CCDC85A: variants seen among roughly 807,000 people sequenced by gnomAD.
CCDC85A encodes coiled-coil domain-containing protein 85A.
Under a neutral mutation model 50.2 loss-of-function variants are expected in CCDC85A, and 38 were observed. That is an observed-to-expected ratio of 0.76 (90% CI 0.58 to 0.99). The LOEUF (loss-of-function observed/expected upper bound fraction) is 0.99, where lower values mean the gene tolerates loss of function less well. CCDC85A is among the 50% of genes least tolerant of loss of function. The pLI is 0.00. For synonymous variants in CCDC85A, 366 were observed against 301.4 expected, an observed-to-expected ratio of 1.21 and a Z score of -2.22; for missense variants, 820 against 742.0, an observed-to-expected ratio of 1.11 and a Z score of -1.22.
rs1379776505 is a variant in CCDC85A at position 56,189,638 on chromosome 2, G to A, written c.277-2839G>A. ...AAATTTCAACTTTTATTTTAGATTCGGAGAGTACACTGTGTGATGCTGAGG... is the reference window on the plus strand; with the variant it reads ...AAATTTCAACTTTTATTTTAGATTCAGAGAGTACACTGTGTGATGCTGAGG... On this transcript the variant is annotated intron_variant, in intron 1 of 5. Transcript: ENST00000407595. Among the ~76,000 whole-genome samples the A allele has an allele frequency of 2.0e-5, 3 of 152,070 alleles. No individual in the cohort carries two copies. In the East Asian group the frequency reaches 5.8e-4, roughly 29 times the overall value.
intron 2 of CCDC85A, among the ~76,000 whole-genome samples, chr2:56,197,755 C>G (rs1203562933): frequency 6.6e-6 from 1 of 152,152 alleles, no homozygotes; most frequent in Admixed American, 6.5e-5. Context: ...AAACTTCACT[C>G]CATTCTAGAC....
intron 2 of CCDC85A, among the ~76,000 whole-genome samples, chr2:56,268,643 G>A (rs1160747644): frequency 6.7e-6 from 1 of 148,646 alleles, no homozygotes; most frequent in Non-Finnish European, 1.5e-5. Context: ...AAATGACAAA[G>A]TTACAAGTAA....
chr2:56,188,788 T>C (rs1317053709), intron 1 of CCDC85A, among the ~76,000 whole-genome samples: 1 of 152,246 alleles, frequency 6.6e-6, no homozygotes, highest in Non-Finnish European at 1.5e-5. Context: ...AGCTGTAGCC[T>C]GTTTTGGCCA....
At chr2:56,297,020 C>T (rs538084038) in intron 2 of CCDC85A, among the ~76,000 whole-genome samples, 32 of 152,016 alleles carry the variant, frequency 2.1e-4, no homozygotes, top group African/African-American at 6.0e-4. Context: ...TATTGTATAT[C>T]GGGGTTAGTC....
rs559213847 is a variant in CCDC85A, at chr2:56,342,884, A to G, written c.1246A>G (p.Thr416Ala). ...TTCTTTCTTTTTAATTTTAGAATCA[A>G]CCTTGTCCTATGTTAGGCAGCTGGA... The part of the protein sequence containing the change: ...RNVYSGMNES[T>A]LSYVRQLEAR... Residue 416 changes from threonine to alanine, a missense_variant, in exon 3 of 6, where the codon ACC becomes GCC. Coordinates refer to ENST00000407595, the MANE Select transcript of CCDC85A (RefSeq NM_001080433.2). The G allele has an allele frequency of 8.8e-6, 14 of 1,585,374 alleles. No individual in the cohort carries two copies. The highest frequency in any genetic ancestry group is 4.6e-5 in the East Asian group (2 of 43,778).
At chr2:56,275,427 T>C (rs1333775339) in intron 2 of CCDC85A, among the ~76,000 whole-genome samples, 2 of 152,050 alleles carry the variant, frequency 1.3e-5, no homozygotes, top group Non-Finnish European at 2.9e-5. Flanking sequence ...ATCACTGCTA[T>C]AGGTGCCATT....
At chr2:56,384,158 CTTGTCT>C in intron 5 of CCDC85A, 102 bp from the exon 6 acceptor site, 1 of 923,226 alleles carries the variant, frequency 1.1e-6, no homozygotes, top group Non-Finnish European at 1.7e-6. Context: ...TATTTTGTCT[CTTGTCT>C]TTACTTCATC....
chr2:56,349,333 A>G (rs561831287), intron 3 of CCDC85A, among the ~76,000 whole-genome samples: 1 of 152,188 alleles, frequency 6.6e-6, no homozygotes, highest in Non-Finnish European at 1.5e-5. Flanking sequence ...AGTTCAATAG[A>G]GCTTTCAGGG....
intron 2 of CCDC85A, among the ~76,000 whole-genome samples, chr2:56,223,288 T>G (rs1405965871): frequency 1.3e-5 from 2 of 152,186 alleles, no homozygotes; most frequent in Non-Finnish European, 2.9e-5. Flanking sequence ...ATAGTTAATA[T>G]TTTAGACTTT....
chr2:56,206,495 A>G (rs994770814), intron 2 of CCDC85A, among the ~76,000 whole-genome samples: 5 of 152,142 alleles, frequency 3.3e-5, no homozygotes, highest in African/African-American at 4.8e-5. Context: ...TTTGTGCTGC[A>G]TCATCCCATG....
intron 2 of CCDC85A, among the ~76,000 whole-genome samples, chr2:56,229,355 G>T (rs1302735216): frequency 2.0e-5 from 3 of 152,142 alleles, no homozygotes; most frequent in African/African-American, 7.2e-5. Context: ...TTTTGGACAT[G>T]TGTGATGTTT....
intron 2 of CCDC85A, among the ~76,000 whole-genome samples, chr2:56,216,555 G>A (rs1365684154): frequency 6.6e-6 from 1 of 151,558 alleles, no homozygotes; most frequent in African/African-American, 2.4e-5. Context: ...GATTATCTAT[G>A]TTTGTTGTCT....
intron 2 of CCDC85A, among the ~76,000 whole-genome samples, chr2:56,316,071 G>A (rs1037607129): frequency 3.9e-5 from 6 of 152,070 alleles, no homozygotes; most frequent in Non-Finnish European, 8.8e-5. Flanking sequence ...CGGAATGTTG[G>A]CAAGGAACAT....
intron 2 of CCDC85A, among the ~76,000 whole-genome samples, chr2:56,228,804 A>G (rs1668655483): frequency 6.6e-6 from 1 of 152,194 alleles, no homozygotes; most frequent in Non-Finnish European, 1.5e-5. Context: ...AAGTGCTGGG[A>G]TTACAGGCAT....
intron 2 of CCDC85A, among the ~76,000 whole-genome samples, chr2:56,264,531 AC>A (rs1337547417): frequency 6.6e-6 from 1 of 152,116 alleles, no homozygotes; most frequent in African/African-American, 2.4e-5. Flanking sequence ...TTCTACCTAT[AC>A]TGCCAACACC....
intron 2 of CCDC85A, among the ~76,000 whole-genome samples, chr2:56,222,835 C>A (rs571675410): frequency 1.3e-5 from 2 of 150,876 alleles, no homozygotes; most frequent in South Asian, 2.1e-4. Context: ...GTAATTATTC[C>A]AAAGATGCTA....
chr2:56,329,826 C>A (rs1282100326), intron 2 of CCDC85A, among the ~76,000 whole-genome samples: 2 of 151,708 alleles, frequency 1.3e-5, no homozygotes, highest in East Asian at 3.9e-4. Context: ...AAAAAGCCAA[C>A]CATACATGGG....
chr2:56,320,969 T>A (rs1261693020), intron 2 of CCDC85A, among the ~76,000 whole-genome samples: 9 of 152,168 alleles, frequency 5.9e-5, no homozygotes, highest in Admixed American at 5.9e-4. Context: ...ATCCCTGGGA[T>A]GCAAGGCTGG....
intron 3 of CCDC85A, among the ~76,000 whole-genome samples, chr2:56,360,119 A>G (rs534064140): frequency 6.6e-6 from 1 of 152,372 alleles, no homozygotes; most frequent in South Asian, 2.1e-4. Context: ...CTATAAATAC[A>G]TGTATTTACT....
Sources: gnomAD v4.1 joint callset for allele counts (sites outside exome capture counted in the v4.1 genomes callset) on GRCh38, gnomAD v4.1.1 for gene constraint, MANE v1.5 for transcripts, NCBI Gene and HGNC (gene_info 2026-07-23, HGNC 2026-07-21) for gene names.